ARHGAP18: variants seen among roughly 807,000 people sequenced by gnomAD.
The protein encoded by ARHGAP18 is rho GTPase-activating protein 18.
Under a neutral mutation model 86.2 loss-of-function variants are expected in ARHGAP18, and 67 were observed. The observed-to-expected ratio is 0.78, with a 90% confidence interval of 0.64 to 0.95. The LOEUF is 0.95. Among genes scored for constraint, ARHGAP18 ranks in the 40% least tolerant of loss-of-function variants. The pLI, the probability that ARHGAP18 is intolerant of heterozygous loss-of-function variation, is 0.00. For missense variants in ARHGAP18, 691 were observed against 780.4 expected (o/e 0.89, Z 1.37); for synonymous variants, 283 against 280.4 (o/e 1.01, Z -0.09).
Position 129,625,185 on chromosome 6 carries a change from T to TTA in ARHGAP18, c.786+4166_786+4167dup, listed in dbSNP as rs1253491821. On this transcript the variant is annotated intron_variant, in intron 5 of 14. Coordinates refer to ENST00000368149, the MANE Select transcript of ARHGAP18 (RefSeq NM_033515.3). ...TATATTATATATGATATATTATATA[T>TTA]TATATATGATATATATTTATATGTA... Among the ~76,000 whole-genome samples, 29 of 85,266 alleles carry TTA rather than the reference T, an allele frequency of 3.4e-4. 3 individuals carry two copies. The highest frequency in any genetic ancestry group is 1.6e-3 in the African/African-American group (29 of 18,468). 55.9% of individuals were successfully genotyped at this position (85,266 alleles called of 152,430 possible).
chr6:129,699,320 T>C (rs1317615719), intron 1 of ARHGAP18, among the ~76,000 whole-genome samples: 1 of 152,150 alleles, frequency 6.6e-6, no homozygotes, highest in Non-Finnish European at 1.5e-5. Flanking sequence ...GGCATATTTA[T>C]TGGAGTATAC....
At chr6:129,613,109 T>C (rs1789015468) in intron 7 of ARHGAP18, among the ~76,000 whole-genome samples, 2 of 151,850 alleles carry the variant, frequency 1.3e-5, no homozygotes, top group South Asian at 4.1e-4. Flanking sequence ...GGCAGGTGCC[T>C]GTGATCCCAG....
intron 1 of ARHGAP18, among the ~76,000 whole-genome samples, chr6:129,645,648 G>A (rs1773563185): frequency 6.6e-6 from 1 of 152,142 alleles, no homozygotes; most frequent in African/African-American, 2.4e-5. Flanking sequence ...TATAATGACA[G>A]AACTAGACGC....
At chr6:129,703,430 A>T (rs1774751732) in intron 1 of ARHGAP18, among the ~76,000 whole-genome samples, 1 of 152,354 alleles carries the variant, frequency 6.6e-6, no homozygotes, top group South Asian at 2.1e-4. Context: ...AGCACAGTGC[A>T]ATCGTACAAT....
At chr6:129,627,552 C>A (rs1316505286) in intron 5 of ARHGAP18, among the ~76,000 whole-genome samples, 1 of 151,636 alleles carries the variant, frequency 6.6e-6, no homozygotes, top group East Asian at 1.9e-4. Flanking sequence ...GGGGAATAGT[C>A]AGAGGGGGAA....
intron 1 of ARHGAP18, among the ~76,000 whole-genome samples, chr6:129,648,016 T>C (rs756100393): frequency 6.6e-6 from 1 of 152,234 alleles, no homozygotes; most frequent in Admixed American, 6.5e-5. Flanking sequence ...GTATTGCGTA[T>C]AGCCAAGGCA....
In ARHGAP18 at chr6:129,581,907, C is replaced by T. The variant is rs556014174; in HGVS notation, c.1839-1776G>A. Reference sequence around the variant, plus strand: ...CCCAGACAGACAGTGCTATATGCTGCATGGTCATTTTCCTAGTTAATTACA... The same window carrying T: ...CCCAGACAGACAGTGCTATATGCTGTATGGTCATTTTCCTAGTTAATTACA... On this transcript the variant is annotated intron_variant, in intron 13 of 14. Transcript: ENST00000368149. Among the ~76,000 whole-genome samples the T allele has an allele frequency of 1.8e-4, 28 of 152,228 alleles. No individual in the cohort carries two copies. In the South Asian group the frequency reaches 2.9e-3, roughly 16 times the overall value.
At chr6:129,631,733 C>G (rs1341050137) in intron 4 of ARHGAP18, among the ~76,000 whole-genome samples, 2 of 149,892 alleles carry the variant, frequency 1.3e-5, no homozygotes, top group Non-Finnish European at 3.0e-5. Context: ...TTTTAACCAC[C>G]TGACTTTAAG....
At chr6:129,690,230 A>G (rs1774502432) in intron 1 of ARHGAP18, among the ~76,000 whole-genome samples, 1 of 152,200 alleles carries the variant, frequency 6.6e-6, no homozygotes. Context: ...TTATCTTCAC[A>G]TACATGCAGT....
At chr6:129,601,105 G>C (rs189530900) in intron 10 of ARHGAP18, among the ~76,000 whole-genome samples, 1 of 152,196 alleles carries the variant, frequency 6.6e-6, no homozygotes, top group Non-Finnish European at 1.5e-5. Context: ...AGGGAGCAGA[G>C]AGAGGAGTGG....
chr6:129,704,233 T>C (rs975142416), intron 1 of ARHGAP18, among the ~76,000 whole-genome samples: 4 of 152,060 alleles, frequency 2.6e-5, no homozygotes, highest in African/African-American at 7.2e-5. Flanking sequence ...TCACTTGAGG[T>C]CAGGAGTTCA....
chr6:129,597,666 G>A (rs1788641724), intron 12 of ARHGAP18, among the ~76,000 whole-genome samples: 1 of 151,966 alleles, frequency 6.6e-6, no homozygotes, highest in African/African-American at 2.4e-5. Flanking sequence ...ACATAAAGTG[G>A]GGGCCTAGCA....
At chr6:129,620,021 T>C (rs1315769554) in intron 5 of ARHGAP18, among the ~76,000 whole-genome samples, 1 of 152,056 alleles carries the variant, frequency 6.6e-6, no homozygotes, top group Non-Finnish European at 1.5e-5. Flanking sequence ...ATTGTGAGAT[T>C]TAGTGCCCAG....
chr6:129,606,367 T>A (rs1179181971), intron 9 of ARHGAP18, among the ~76,000 whole-genome samples: 1 of 152,168 alleles, frequency 6.6e-6, no homozygotes, highest in East Asian at 1.9e-4. Context: ...AACAAATGCA[T>A]GGTAAGAGTC....
intron 13 of ARHGAP18, 65 bp downstream of exon 13, chr6:129,583,923 G>T: frequency 6.6e-7 from 1 of 1,515,646 alleles, no homozygotes; most frequent in Non-Finnish European, 8.9e-7. Context: ...AAGCAGCAGC[G>T]AAGGCGAGAG....
At chr6:129,621,974 A>T (rs1288446821) in intron 5 of ARHGAP18, among the ~76,000 whole-genome samples, 2 of 152,064 alleles carry the variant, frequency 1.3e-5, no homozygotes, top group African/African-American at 4.8e-5. Context: ...TTTCCCATCC[A>T]CCAGAGTAGG....
intron 1 of ARHGAP18, among the ~76,000 whole-genome samples, chr6:129,709,712 T>C (rs540711609): frequency 4.5e-4 from 68 of 152,354 alleles, no homozygotes; most frequent in African/African-American, 1.6e-3. Flanking sequence ...AAAGGAAGTG[T>C]TTCAGATAGA....
At chr6:129,660,794 G>T (rs1046036117) in intron 1 of ARHGAP18, among the ~76,000 whole-genome samples, 2 of 152,016 alleles carry the variant, frequency 1.3e-5, no homozygotes, top group Non-Finnish European at 2.9e-5. Flanking sequence ...AGATAATTTT[G>T]GAATAATTAG....
intron 1 of ARHGAP18, among the ~76,000 whole-genome samples, chr6:129,702,078 G>A (rs982151228): frequency 1.3e-5 from 2 of 152,108 alleles, no homozygotes; most frequent in Non-Finnish European, 2.9e-5. Context: ...AGTGTTCTTT[G>A]CAGCCAAAAG....
Sources: gnomAD v4.1 joint callset for allele counts (sites outside exome capture counted in the v4.1 genomes callset) on GRCh38, gnomAD v4.1.1 for gene constraint, MANE v1.5 for transcripts, NCBI Gene and HGNC (gene_info 2026-07-23, HGNC 2026-07-21) for gene names.